Variants in TGM3 observed in about 807,000 individuals in gnomAD.
TGM3 encodes the protein transglutaminase 3, also known as protein-glutamine gamma-glutamyltransferase E.
In TGM3, 52 loss-of-function variants were observed where a neutral mutation model predicts 73.8. The observed-to-expected ratio is 0.70, with a 90% CI of 0.56 to 0.89. The LOEUF (loss-of-function observed/expected upper bound fraction) is 0.89. Among genes scored for constraint, TGM3 ranks in the 40% least tolerant of loss-of-function variants. TGM3 has a pLI of 0.00. For missense variants in TGM3, 928 were observed against 909.9 expected, an observed-to-expected ratio of 1.02 and a Z score of -0.26; for synonymous variants, 372 against 354.9, an observed-to-expected ratio of 1.05 and a Z score of -0.54.
intron 1 of TGM3, among the ~76,000 whole-genome samples, chr20:2,300,830 G>A (rs895216653): frequency 2.0e-5 from 3 of 152,138 alleles, no homozygotes; most frequent in African/African-American, 7.2e-5. Flanking sequence ...CTGCTCTTGG[G>A]TTGTTTTTGC....
chr20:2,316,981 C>A, intron 5 of TGM3, 87 bp from the exon 6 acceptor site: 1 of 1,495,306 alleles, frequency 6.7e-7, no homozygotes, highest in South Asian at 1.2e-5. Flanking sequence ...TCCTCATCTC[C>A]CCACCTTGTC....
rs747207458 is a variant in TGM3 at position 2,340,449 on chromosome 20, G to T, written c.1950G>T (p.Gly650=). 1.6e-5 allele frequency: 26 copies of T among 1,613,868 alleles called. No individual in the cohort carries two copies. The highest frequency in any genetic ancestry group is 1.4e-5 in the Non-Finnish European group (17 of 1,179,960). The change falls in exon 13 of 13, where the codon GGG becomes GGT. Residue 650 remains glycine (G), a synonymous_variant. Transcript: ENST00000381458. ...GNLKIDVPTL[G]PKEGSRVRFD... is the part of the protein sequence containing the mutation. ...TCCCCATCAGCGTGCCGACCCTAGG[G>T]CCCAAGGAGGGGTCCCGGGTCCGTT...
At chr20:2,304,392 G>A (rs1399774544) in intron 1 of TGM3, among the ~76,000 whole-genome samples, 1 of 152,176 alleles carries the variant, frequency 6.6e-6, no homozygotes, top group African/African-American at 2.4e-5. Context: ...GGGATGCGGG[G>A]CAGGCTGTCC....
intron 1 of TGM3, among the ~76,000 whole-genome samples, chr20:2,302,022 C>A (rs2084151133): frequency 6.6e-6 from 1 of 152,200 alleles, no homozygotes; most frequent in African/African-American, 2.4e-5. Flanking sequence ...TTTCTGTCAG[C>A]CCTCATTAAC....
At chr20:2,302,918 C>A (rs1214181904) in intron 1 of TGM3, among the ~76,000 whole-genome samples, 1 of 152,138 alleles carries the variant, frequency 6.6e-6, no homozygotes, top group Non-Finnish European at 1.5e-5. Flanking sequence ...CATCCTCCAA[C>A]ATGACCGAAC....
chr20:2,331,688 TATCAGAAAAAAATGG>T, intron 9 of TGM3, among the ~76,000 whole-genome samples: 1 of 152,248 alleles, frequency 6.6e-6, no homozygotes, highest in Non-Finnish European at 1.5e-5. Flanking sequence ...AAAGACATTT[TATCAGAAAAAAATGG>T]AATCTAACCT....
At position 2,317,384 on chromosome 20, in the gene TGM3, C is replaced by CA; in HGVS notation, c.883dup (p.Thr295AsnfsTer8). The CA allele has an allele frequency of 6.2e-7, 1 of 1,614,206 alleles. No individual in the cohort carries two copies. The highest frequency in any genetic ancestry group is 8.5e-7 in the Non-Finnish European group (1 of 1,180,032). Reference sequence around the variant, plus strand: ...CTTTGGGGATTCCTTCCCGGGTGATCACCAACTTCAACTCAGCTCATGACA... The same window carrying CA: ...CTTTGGGGATTCCTTCCCGGGTGATCAACCAACTTCAACTCAGCTCATGACA... On this transcript the variant is annotated frameshift_variant, in exon 7 of 13. Transcript: ENST00000381458. LOFTEE classifies it high-confidence loss of function.
rs765182706 is a variant in TGM3, at chr20:2,328,370, G to A, written c.1333+5G>A. 1.7e-5 allele frequency: 27 copies of A among 1,613,876 alleles called. No individual in the cohort carries two copies. Among genetic ancestry groups the A allele is most frequent in the Non-Finnish European group, 1.9e-5 (23 of 1,179,846 alleles). ...ACAAGTACAAGTACCCAGAAGGTAGGAGGGACGCTGGCGGGGCAGTGCCGC... is the reference window on the plus strand; with the variant it reads ...ACAAGTACAAGTACCCAGAAGGTAGAAGGGACGCTGGCGGGGCAGTGCCGC... On this transcript the variant is annotated splice_donor_5th_base_variant and intron_variant, in intron 9 of 12. Transcript: ENST00000381458. This position sits in a 1 kb window ranked among gnomAD's most constrained non-coding sequence, Gnocchi z 5.2.
In TGM3 at chr20:2,334,337, C is replaced by T. The variant is rs78577841; in HGVS notation, c.1643-779C>T. Reference sequence around the variant, plus strand: ...CTTTATCTAAGGCAATGAGGAGCCACGGAAGATTTTTGAAGTCACATGTGA... The same window carrying T: ...CTTTATCTAAGGCAATGAGGAGCCATGGAAGATTTTTGAAGTCACATGTGA... On this transcript the variant is annotated intron_variant, in intron 10 of 12. Coordinates refer to ENST00000381458, the MANE Select transcript of TGM3 (RefSeq NM_003245.4). This position sits in a 1 kb window ranked among gnomAD's most constrained non-coding sequence, Gnocchi z 4.0. Among the ~76,000 whole-genome samples the T allele has an allele frequency of 1.7e-4, 26 of 152,162 alleles. No homozygotes were observed. The highest frequency in any genetic ancestry group is 2.2e-4 in the African/African-American group (9 of 41,512).
intron 1 of TGM3, among the ~76,000 whole-genome samples, chr20:2,296,676 C>T (rs1252232678): frequency 6.6e-6 from 1 of 151,948 alleles, no homozygotes; most frequent in Non-Finnish European, 1.5e-5. Flanking sequence ...AGCAGGTGTG[C>T]CACAAGATGT....
intron 12 of TGM3, among the ~76,000 whole-genome samples, 183 bp downstream of exon 12, chr20:2,340,170 GAGA>G (rs1177440468): frequency 2.0e-5 from 3 of 152,176 alleles, no homozygotes; most frequent in Non-Finnish European, 2.9e-5. Context: ...TTGAACTCCT[GAGA>G]AGAACAGGTC....
intron 1 of TGM3, among the ~76,000 whole-genome samples, chr20:2,308,168 G>A (rs1018453335): frequency 2.0e-5 from 3 of 151,252 alleles, no homozygotes; most frequent in Admixed American, 6.6e-5. Context: ...GTTGCAGTGA[G>A]CCGAGATCAC....
intron 4 of TGM3, among the ~76,000 whole-genome samples, chr20:2,312,138 G>A (rs965870695): frequency 6.6e-6 from 1 of 152,102 alleles, no homozygotes; most frequent in African/African-American, 2.4e-5. Context: ...AGTGGCTCAC[G>A]CCTGTAATCC....
Position 2,334,920 on chromosome 20 carries a change from C to A in TGM3, c.1643-196C>A, listed in dbSNP as rs987299527. On this transcript the variant is annotated intron_variant, in intron 10 of 12. Transcript: ENST00000381458. The surrounding 1 kb of genome is among the most constrained non-coding windows in gnomAD (Gnocchi z 4.0). Reference sequence around the variant, plus strand: ...CCAGCCAGAGAGAGTCCTGGGGCCTCTTTGCCCCCTGCTCTGGAGCCCACC... The same window carrying A: ...CCAGCCAGAGAGAGTCCTGGGGCCTATTTGCCCCCTGCTCTGGAGCCCACC... Among the ~76,000 whole-genome samples the A allele has an allele frequency of 2.0e-5, 3 of 152,206 alleles. No individual in the cohort carries two copies. The highest frequency in any genetic ancestry group is 7.2e-5 in the African/African-American group (3 of 41,456).
chr20:2,318,623 T>G (rs939112189), intron 7 of TGM3, among the ~76,000 whole-genome samples: 1 of 152,202 alleles, frequency 6.6e-6, no homozygotes, highest in Non-Finnish European at 1.5e-5. Flanking sequence ...TACCCATCTA[T>G]CTATTGTTTT....
intron 11 of TGM3, among the ~76,000 whole-genome samples, chr20:2,338,410 C>T (rs2084362981): frequency 6.6e-6 from 1 of 152,054 alleles, no homozygotes; most frequent in African/African-American, 2.4e-5. Context: ...AATGTGGCAA[C>T]ATCTGTATAG....
Position 2,317,663 on chromosome 20 carries a change from C to A in TGM3, c.983+178C>A, listed in dbSNP as rs555420112. The stretch of plus-strand genomic sequence containing the variant: ...TACACACTTAGCAGCACCCAAGACA[C>A]CTCTTCTCGGTGCTCTGCGGTCTGC... On this transcript the variant is annotated intron_variant, in intron 7 of 12. Transcript: ENST00000381458. Among the ~76,000 whole-genome samples the A allele has an allele frequency of 2.0e-5, 3 of 152,084 alleles. No individual in the cohort carries two copies. The South Asian group carries it at 6.2e-4, about 32-fold the overall frequency.
In TGM3 at chr20:2,339,924, C is replaced by T. The variant is rs144316255; in HGVS notation, c.1871C>T (p.Pro624Leu). The T allele has an allele frequency of 4.1e-5, 65 of 1,584,174 alleles. No homozygotes were observed. The highest frequency in any genetic ancestry group is 4.7e-5 in the East Asian group (2 of 42,216). ...CTCTTCTCCAATCCACTGGATGAGC[C>T]GGTGAGGGACTGCGTGCTGATGGTG... The part of the protein sequence containing the change: ...QMLFSNPLDE[P>L]VRDCVLMVEG... The change falls in exon 12 of 13, where the codon CCG (proline) becomes CTG (leucine). Residue 624 changes from proline (P) to leucine (L), a missense_variant. Physicochemically the swap from Pro to Leu is moderately conservative, Grantham distance 98 (BLOSUM62 -3). Coordinates refer to ENST00000381458, the MANE Select transcript of TGM3 (RefSeq NM_003245.4).
chr20:2,330,672 A>T (rs541067233), intron 9 of TGM3, among the ~76,000 whole-genome samples: 129 of 152,250 alleles, frequency 8.5e-4, no homozygotes, highest in African/African-American at 3.0e-3. Context: ...ATCACATGTA[A>T]TTTATGGGAA....
Sources: gnomAD v4.1 joint callset for allele counts (sites outside exome capture counted in the v4.1 genomes callset) on GRCh38, gnomAD v4.1.1 for gene constraint, Gnocchi (gnomAD v3.1) non-coding constraint, MANE v1.5 for transcripts, NCBI Gene and HGNC (gene_info 2026-07-23, HGNC 2026-07-21) for gene names.